REDIC1: variants seen among roughly 807,000 people sequenced by gnomAD.
REDIC1 encodes regulator of DNA class I crossover intermediates 1.
At chr12:39,736,629 C>G in the REDIC1 span, 4 of 152,206 alleles carry the variant, frequency 2.6e-5, no homozygotes, top group Admixed American at 6.5e-5. Flanking sequence ...CAGAATGAGA[C>G]AGAAGTGATG....
the REDIC1 span, among the ~76,000 whole-genome samples, chr12:39,703,190 G>A: frequency 2.0e-4 from 31 of 152,194 alleles, no homozygotes; most frequent in African/African-American, 6.7e-4. Context: ...CAACCCCATT[G>A]TCTCAGCCCA....
the REDIC1 span, among the ~76,000 whole-genome samples, chr12:39,653,538 T>TC: frequency 0.041 from 2,732 of 66,426 alleles, 280 homozygotes; most frequent in African/African-American, 0.12. Context: ...TTCTTCTTCT[T>TC]TTTCTTCTTC....
At chr12:39,802,481 C>T in the REDIC1 span, 2 of 152,082 alleles carry the variant, frequency 1.3e-5, no homozygotes, top group African/African-American at 4.8e-5. Context: ...GCAAGGGCCA[C>T]TTCATACAAG....
chr12:39,899,990 C>A, the REDIC1 span, among the ~76,000 whole-genome samples: 1 of 151,304 alleles, frequency 6.6e-6, no homozygotes, highest in South Asian at 2.1e-4. Flanking sequence ...AGCTTATCCA[C>A]CATGATCAAG....
chr12:39,888,783 AC>A, the REDIC1 span, among the ~76,000 whole-genome samples: 6 of 152,186 alleles, frequency 3.9e-5, no homozygotes, highest in East Asian at 9.6e-4. Context: ...CTCACAAGTA[AC>A]CAAAATTTTA....
the REDIC1 span, among the ~76,000 whole-genome samples, chr12:39,674,166 A>G: frequency 1.3e-5 from 2 of 152,094 alleles, no homozygotes; most frequent in African/African-American, 4.8e-5. Flanking sequence ...ATTTTTCTCA[A>G]GCAGAAGAAT....
At chr12:39,817,830 C>G in the REDIC1 span, among the ~76,000 whole-genome samples, 4 of 152,090 alleles carry the variant, frequency 2.6e-5, no homozygotes, top group Non-Finnish European at 5.9e-5. Flanking sequence ...ACTTCAAAGA[C>G]GGTTCCTTGA....
the REDIC1 span, among the ~76,000 whole-genome samples, chr12:39,692,799 A>G: frequency 2.0e-5 from 3 of 152,076 alleles, no homozygotes; most frequent in Non-Finnish European, 2.9e-5. Context: ...TCTCTAGGAT[A>G]TATTTCTAGG....
the REDIC1 span, among the ~76,000 whole-genome samples, chr12:39,882,145 C>T: frequency 3.3e-5 from 5 of 152,166 alleles, no homozygotes; most frequent in Admixed American, 3.3e-4. Flanking sequence ...CCCTTACCCA[C>T]AATAATACTT....
the REDIC1 span, among the ~76,000 whole-genome samples, chr12:39,790,205 GT>G: frequency 2.4e-4 from 12 of 49,924 alleles, no homozygotes; most frequent in South Asian, 1.7e-3. Context: ...AGTGTACAGT[GT>G]TTTTTTTTTC....
chr12:39,848,142 C>A, the REDIC1 span, among the ~76,000 whole-genome samples: 2 of 152,050 alleles, frequency 1.3e-5, no homozygotes, highest in South Asian at 4.2e-4. Context: ...ACAAAGATAC[C>A]AAAACCAATT....
the REDIC1 span, among the ~76,000 whole-genome samples, chr12:39,863,849 C>A: frequency 7.9e-5 from 12 of 152,302 alleles, no homozygotes; most frequent in Middle Eastern, 6.8e-3. Flanking sequence ...CAACTGGATG[C>A]TCTAAATGAA....
the REDIC1 span, chr12:39,716,777 G>T: frequency 6.2e-7 from 1 of 1,603,680 alleles, no homozygotes. Context: ...GCACAGAGTA[G>T]TCGGTCTACT....
the REDIC1 span, among the ~76,000 whole-genome samples, chr12:39,817,365 C>T: frequency 6.8e-6 from 1 of 146,492 alleles, no homozygotes; most frequent in East Asian, 2.0e-4. Flanking sequence ...ACAGAATGAT[C>T]AGTTCCATTA....
the REDIC1 span, among the ~76,000 whole-genome samples, chr12:39,892,187 C>G: frequency 1.2e-3 from 190 of 152,328 alleles, 1 homozygote; most frequent in African/African-American, 4.3e-3. Flanking sequence ...AGAGAAGCAG[C>G]CATAGCTATA....
At chr12:39,726,144 T>TC in the REDIC1 span, among the ~76,000 whole-genome samples, 2 of 151,908 alleles carry the variant, frequency 1.3e-5, no homozygotes, top group Admixed American at 1.3e-4. Flanking sequence ...CTCCTCCTCC[T>TC]CTTCCTCCTC....
At chr12:39,777,829 A>G in the REDIC1 span, among the ~76,000 whole-genome samples, 1 of 152,184 alleles carries the variant, frequency 6.6e-6, no homozygotes. Flanking sequence ...CCTGCTCAAT[A>G]AAACCTTGCA....
the REDIC1 span, among the ~76,000 whole-genome samples, chr12:39,633,154 A>G: frequency 6.6e-6 from 1 of 152,040 alleles, no homozygotes; most frequent in South Asian, 2.1e-4. Context: ...ATTCTTTTTA[A>G]CTTTTTGACT....
the REDIC1 span, among the ~76,000 whole-genome samples, chr12:39,897,510 G>A: frequency 6.6e-6 from 1 of 152,134 alleles, no homozygotes; most frequent in East Asian, 1.9e-4. Context: ...CTAATTCAAA[G>A]GTTAGGCACC....
Sources: gnomAD v4.1 joint callset for allele counts (sites outside exome capture counted in the v4.1 genomes callset) on GRCh38, gnomAD v4.1.1 for gene constraint, MANE v1.5 for transcripts, NCBI Gene and HGNC (gene_info 2026-07-23, HGNC 2026-07-21) for gene names.